GMDS: variants seen among roughly 807,000 people sequenced by gnomAD.
GMDS encodes the protein GDP-mannose 4,6 dehydratase.
GMDS carries 20 observed loss-of-function variants against 49.9 expected under a neutral mutation model. That is an observed-to-expected ratio of 0.40 (90% CI 0.28 to 0.58). The LOEUF is 0.58. GMDS is among the 20% of genes least tolerant of loss of function. The probability of loss-of-function intolerance (pLI) is 0.42; values close to 1 mark genes in which losing one functional copy is unlikely to be tolerated. For synonymous variants in GMDS, 177 were observed against 178.6 expected, an observed-to-expected ratio of 0.99 and a Z score of 0.07; for missense variants, 362 against 481.4, an observed-to-expected ratio of 0.75 and a Z score of 2.32.
Position 1,833,124 on chromosome 6 carries a change from G to A in GMDS, c.772-90538C>T, listed in dbSNP as rs1289757866. On this transcript the variant is annotated intron_variant, in intron 7 of 10. Transcript: ENST00000380815. The surrounding 1 kb of genome is among the most constrained non-coding windows in gnomAD (Gnocchi z 4.4). ...TCACCCGGCAGTGGAGCGTATGAAA[G>A]CCTTTTTTTTTTTTTTTTTTTTTTT... Among the ~76,000 whole-genome samples the A allele has an allele frequency of 7.6e-6, 1 of 132,210 alleles. No homozygotes were observed. Among genetic ancestry groups the A allele is most frequent in the Non-Finnish European group, 1.6e-5 (1 of 61,902 alleles). 86.7% of individuals were successfully genotyped at this position (132,210 alleles called of 152,430 possible).
At chr6:2,197,216 C>A (rs1395488258) in intron 1 of GMDS, among the ~76,000 whole-genome samples, 1 of 152,202 alleles carries the variant, frequency 6.6e-6, no homozygotes, top group East Asian at 1.9e-4. Context: ...TCTCCCGCAC[C>A]ATAAGGCAAA....
chr6:2,197,331 T>G (rs2127573509), intron 1 of GMDS, among the ~76,000 whole-genome samples: 1 of 151,932 alleles, frequency 6.6e-6, no homozygotes, highest in African/African-American at 2.4e-5. Context: ...CTATTCCTCC[T>G]CCCGCCCAGG....
chr6:2,123,037 C>T (rs183789056), intron 2 of GMDS, among the ~76,000 whole-genome samples: 122 of 152,348 alleles, frequency 8.0e-4, no homozygotes, highest in African/African-American at 2.7e-3. Context: ...CTTGTTGCAT[C>T]GATTTGCAAA....
chr6:2,066,776 G>C (rs1225729446), intron 4 of GMDS, among the ~76,000 whole-genome samples: 1 of 151,976 alleles, frequency 6.6e-6, no homozygotes, highest in African/African-American at 2.4e-5. Context: ...AGTCCTGAGT[G>C]AACTACAAAG....
At chr6:2,023,952 A>C (rs910731296) in intron 4 of GMDS, among the ~76,000 whole-genome samples, 6 of 152,218 alleles carry the variant, frequency 3.9e-5, no homozygotes, top group African/African-American at 1.4e-4. Context: ...ATAATCAAAG[A>C]AAACCACAAA....
chr6:1,812,601 G>A (rs1770483903), intron 7 of GMDS, among the ~76,000 whole-genome samples: 1 of 152,080 alleles, frequency 6.6e-6, no homozygotes, highest in South Asian at 2.1e-4. Context: ...AAGGAAGGGA[G>A]CAGGTCAGAG....
intron 7 of GMDS, 48 bp from the exon 8 acceptor site, chr6:1,742,634 C>T (rs979817118): frequency 2.0e-6 from 2 of 980,184 alleles, no homozygotes; most frequent in African/African-American, 3.2e-5. Flanking sequence ...ACTCAGTGGC[C>T]ACACATTGTT....
At chr6:1,889,954 T>C (rs1759795518) in intron 7 of GMDS, among the ~76,000 whole-genome samples, 2 of 152,214 alleles carry the variant, frequency 1.3e-5, no homozygotes, top group Admixed American at 6.5e-5. Context: ...CTTTTTATGG[T>C]TGAATAATAT....
At chr6:1,807,566 T>C (rs1219712664) in intron 7 of GMDS, among the ~76,000 whole-genome samples, 5 of 152,208 alleles carry the variant, frequency 3.3e-5, no homozygotes, top group African/African-American at 4.8e-5. Context: ...CATAAACTCA[T>C]TAGAATTCAT....
At chr6:2,042,066 G>C (rs1769717532) in intron 4 of GMDS, among the ~76,000 whole-genome samples, 1 of 152,142 alleles carries the variant, frequency 6.6e-6, no homozygotes, top group Non-Finnish European at 1.5e-5. Flanking sequence ...TGGGTCTGAA[G>C]GAGATAACCC....
chr6:2,180,283 A>G (rs1778461720), intron 1 of GMDS, among the ~76,000 whole-genome samples: 1 of 152,230 alleles, frequency 6.6e-6, no homozygotes, highest in African/African-American at 2.4e-5. Flanking sequence ...CAAACCAAAC[A>G]TAAAGCACCT....
At chr6:1,695,923 C>CCT (rs1765323864) in intron 9 of GMDS, among the ~76,000 whole-genome samples, 1 of 105,106 alleles carries the variant, frequency 9.5e-6, no homozygotes, top group African/African-American at 3.7e-5. Context: ...TTTTTTTTTT[C>CCT]TTTTTTTTTT....
At chr6:1,990,141 A>T (rs928152557) in intron 4 of GMDS, among the ~76,000 whole-genome samples, 4 of 152,258 alleles carry the variant, frequency 2.6e-5, no homozygotes, top group African/African-American at 9.6e-5. Context: ...CTAAAAATAT[A>T]AAAAATTAGC....
rs192812827 is a variant in GMDS at position 2,034,388 on chromosome 6, G to A, written c.346-73422C>T. 2.0e-5 allele frequency among the ~76,000 whole-genome samples: 3 copies of A among 152,298 alleles called. No individual in the cohort carries two copies. In the East Asian group the frequency reaches 5.8e-4, roughly 29 times the overall value. ...GACAAAGTACATTTGTGGTTGCCAG[G>A]GGCTGGGGCGGTAGGAGAGAAAAGG... On this transcript the variant is annotated intron_variant, in intron 4 of 10. Coordinates refer to ENST00000380815, the MANE Select transcript of GMDS (RefSeq NM_001500.4).
chr6:2,134,812 T>C (rs28525431), intron 1 of GMDS, among the ~76,000 whole-genome samples: 2 of 152,242 alleles, frequency 1.3e-5, no homozygotes, highest in South Asian at 2.1e-4. Flanking sequence ...GTTTGCCTTA[T>C]ACTATAACAT....
intron 4 of GMDS, among the ~76,000 whole-genome samples, chr6:2,104,638 T>C (rs1351985391): frequency 6.6e-6 from 1 of 152,180 alleles, no homozygotes; most frequent in Non-Finnish European, 1.5e-5. Context: ...TCCATTTCTT[T>C]CTCTGTGAAG....
At chr6:2,163,732 T>C (rs1373639609) in intron 1 of GMDS, among the ~76,000 whole-genome samples, 2 of 152,172 alleles carry the variant, frequency 1.3e-5, no homozygotes, top group East Asian at 3.8e-4. Flanking sequence ...CTACCCACAT[T>C]AGACACACAG....
chr6:1,878,149 T>C (rs1166381106), intron 7 of GMDS, among the ~76,000 whole-genome samples: 1 of 151,756 alleles, frequency 6.6e-6, no homozygotes, highest in Non-Finnish European at 1.5e-5. Flanking sequence ...CCGTCTCTAC[T>C]AAAAATACAC....
chr6:2,007,019 AT>A (rs1256256125), intron 4 of GMDS, among the ~76,000 whole-genome samples: 1 of 152,250 alleles, frequency 6.6e-6, no homozygotes, highest in African/African-American at 2.4e-5. Context: ...GTGACAAAAG[AT>A]TAAAGAAAGT....
Sources: allele counts gnomAD v4.1 joint callset (sites outside exome capture counted in the v4.1 genomes callset), GRCh38; gene constraint gnomAD v4.1.1; non-coding constraint Gnocchi (gnomAD v3.1); transcripts MANE v1.5; gene names NCBI Gene and HGNC (gene_info 2026-07-23, HGNC 2026-07-21).